The following PTPRT variants were observed in gnomAD, a reference collection of about 807,000 sequenced individuals.
PTPRT encodes receptor-type tyrosine-protein phosphatase T.
PTPRT carries 56 observed loss-of-function variants against 176.8 expected under a neutral mutation model. That is an observed-to-expected ratio of 0.32 (90% CI 0.26 to 0.40). PTPRT has a LOEUF of 0.40. Ranked by LOEUF, PTPRT falls within the 10% of genes least tolerant of loss-of-function variation. The pLI is 1.00. For synonymous variants in PTPRT, 783 were observed against 739.0 expected, an observed-to-expected ratio of 1.06 and a Z score of -0.96; for missense variants, 1,540 against 1,908.2, an observed-to-expected ratio of 0.81 and a Z score of 3.60.
At chr20:42,344,152 A>G (rs2145486953) in intron 11 of PTPRT, among the ~76,000 whole-genome samples, 1 of 152,288 alleles carries the variant, frequency 6.6e-6, no homozygotes, top group African/African-American at 2.4e-5. Flanking sequence ...TGCCTGCCTT[A>G]GCCTCCCAAA....
rs576189057 is a variant in PTPRT, at chr20:42,590,803, A to G, written c.1153+87063T>C. ...GCCTGCTCACTTAAAAACATATTAT[A>G]AAACCTCAATAATCAATACATTAAT... On this transcript the variant is annotated intron_variant, in intron 7 of 30. Transcript: ENST00000373187. 3.3e-5 allele frequency among the ~76,000 whole-genome samples: 5 copies of G among 152,318 alleles called. No individual in the cohort carries two copies. In the South Asian group the frequency reaches 8.3e-4, roughly 25 times the overall value.
chr20:42,081,849 T>C, intron 30 of PTPRT, 33 bp downstream of exon 30: 1 of 1,612,512 alleles, frequency 6.2e-7, no homozygotes. Flanking sequence ...TAGTCAGCCC[T>C]GGCTGTTGGA....
chr20:42,515,858 T>C (rs2072055733), intron 7 of PTPRT, among the ~76,000 whole-genome samples: 1 of 150,178 alleles, frequency 6.7e-6, no homozygotes, highest in Non-Finnish European at 1.5e-5. Context: ...CCAACCCAAA[T>C]GTCCAACAAT....
chr20:42,498,001 T>C (rs1363130486), intron 7 of PTPRT, among the ~76,000 whole-genome samples: 1 of 152,176 alleles, frequency 6.6e-6, no homozygotes, highest in African/African-American at 2.4e-5. Flanking sequence ...TTTTGTAATG[T>C]CATGACTTTT....
At chr20:42,391,553 G>A (rs16986828) in intron 9 of PTPRT, among the ~76,000 whole-genome samples, 10,411 of 152,158 alleles carry the variant, frequency 0.068, 447 homozygotes, top group African/African-American at 0.12. Context: ...AACCTGGAGG[G>A]ACCAAAGACC....
At chr20:42,950,316 T>C (rs1417396287) in intron 1 of PTPRT, among the ~76,000 whole-genome samples, 3 of 152,356 alleles carry the variant, frequency 2.0e-5, no homozygotes, top group African/African-American at 7.2e-5. Flanking sequence ...GTACATTCTG[T>C]CAGCGTACAG....
intron 1 of PTPRT, among the ~76,000 whole-genome samples, chr20:43,160,106 G>A (rs1047408211): frequency 9.9e-5 from 15 of 152,086 alleles, no homozygotes; most frequent in African/African-American, 3.6e-4. Context: ...CAGAACAGAC[G>A]TGGGCCCAGG....
chr20:42,363,288 ATATATATATATATTTTTTT>A (rs1202070310), intron 9 of PTPRT, among the ~76,000 whole-genome samples: 2 of 22,594 alleles, frequency 8.9e-5, no homozygotes, highest in African/African-American at 4.3e-4. Flanking sequence ...ATATATATAT[ATATATATATATATTTTTTT>A]TTTTTTTTTT....
In PTPRT at chr20:42,422,970, C is replaced by T. The variant is rs201456889; in HGVS notation, c.1560+25250G>A. Among the ~76,000 whole-genome samples, 4 of 152,128 alleles carry T rather than the reference C, an allele frequency of 2.6e-5. No homozygotes were observed. The East Asian group carries it at 5.8e-4, about 22-fold the overall frequency. ...CAGAAAACCAAATACCACATGTTCT[C>T]ACTTATAAGTGGGAGCTAAACGATG... On this transcript the variant is annotated intron_variant, in intron 9 of 30. Coordinates refer to ENST00000373187, the MANE Select transcript of PTPRT (RefSeq NM_007050.6).
intron 6 of PTPRT, among the ~76,000 whole-genome samples, chr20:42,745,856 A>G (rs1347928035): frequency 2.6e-5 from 4 of 152,210 alleles, no homozygotes; most frequent in Admixed American, 6.5e-5. Context: ...ATCAGACTTC[A>G]GCATCCTCAG....
At chr20:42,997,595 T>G (rs954658601) in intron 1 of PTPRT, among the ~76,000 whole-genome samples, 4 of 152,136 alleles carry the variant, frequency 2.6e-5, no homozygotes, top group Non-Finnish European at 4.4e-5. Context: ...TGAATATGCA[T>G]GAGCAAAATA....
intron 9 of PTPRT, among the ~76,000 whole-genome samples, chr20:42,381,435 G>A (rs987972958): frequency 1.3e-5 from 2 of 152,172 alleles, no homozygotes; most frequent in African/African-American, 2.4e-5. Context: ...GTCAGCCCGG[G>A]TCCCTGTGTG....
intron 3 of PTPRT, among the ~76,000 whole-genome samples, chr20:42,785,020 T>A (rs1049028034): frequency 1.3e-5 from 2 of 152,226 alleles, no homozygotes; most frequent in Non-Finnish European, 1.5e-5. Flanking sequence ...GTTCTCACTA[T>A]ACAAAAAAAG....
chr20:42,697,239 G>A (rs1231763401), intron 6 of PTPRT, among the ~76,000 whole-genome samples: 1 of 152,200 alleles, frequency 6.6e-6, no homozygotes, highest in Non-Finnish European at 1.5e-5. Flanking sequence ...GCCTGGAGAA[G>A]ATGTGGCTGA....
At chr20:43,011,787 T>TG (rs1985139323) in intron 1 of PTPRT, among the ~76,000 whole-genome samples, 1 of 152,202 alleles carries the variant, frequency 6.6e-6, no homozygotes, top group Non-Finnish European at 1.5e-5. Flanking sequence ...GTCAGTGGAC[T>TG]GGGAGAGGCA....
chr20:42,525,504 T>C (rs554207949), intron 7 of PTPRT, among the ~76,000 whole-genome samples: 9 of 152,288 alleles, frequency 5.9e-5, no homozygotes, highest in African/African-American at 2.2e-4. Context: ...CTCTTTTCAC[T>C]TTTGTCCCCT....
rs189118400 is a variant in PTPRT, at chr20:42,106,831, G to A, written c.3345C>T (p.Cys1115=). Reference sequence around the variant, plus strand: ...CCCTTTGGGCCCGGAGCTCACGCACGCAGTTGAAGATGTCCACCACCCCTT... The same window carrying A: ...CCCTTTGGGCCCGGAGCTCACGCACACAGTTGAAGATGTCCACCACCCCTT... ...ENEGVVDIFN[C]VRELRAQRVN... The change falls in exon 24 of 31, where the codon TGC becomes TGT. Residue 1115 remains cysteine (C), a synonymous_variant. Coordinates refer to ENST00000373187, the MANE Select transcript of PTPRT (RefSeq NM_007050.6). The A allele has an allele frequency of 1.4e-4, 231 of 1,614,122 alleles. 2 individuals carry two copies. The East Asian group carries it at 3.7e-3, about 26-fold the overall frequency.
Position 42,621,606 on chromosome 20 carries a change from C to T in PTPRT, c.1153+56260G>A, listed in dbSNP as rs113192326. On this transcript the variant is annotated intron_variant, in intron 7 of 30. Transcript: ENST00000373187. Reference sequence around the variant, plus strand: ...GGAATTCCTTGGCTTCTGAGTGATCCTATAGCCTCTCAGTTTTCCTTCTGG... The same window carrying T: ...GGAATTCCTTGGCTTCTGAGTGATCTTATAGCCTCTCAGTTTTCCTTCTGG... Among the ~76,000 whole-genome samples, 656 of 152,282 alleles carry T rather than the reference C, an allele frequency of 4.3e-3. 6 individuals carry two copies. The highest frequency in any genetic ancestry group is 0.015 in the African/African-American group (616 of 41,554).
At chr20:42,776,024 TCCCTGGGG>T (rs1445292284) in intron 4 of PTPRT, among the ~76,000 whole-genome samples, 2 of 152,138 alleles carry the variant, frequency 1.3e-5, no homozygotes, top group Non-Finnish European at 2.9e-5. Context: ...CTGTAAGCAG[TCCCTGGGG>T]CCCACAGGGC....
Sources: gnomAD v4.1 joint callset for allele counts (sites outside exome capture counted in the v4.1 genomes callset) on GRCh38, gnomAD v4.1.1 for gene constraint, MANE v1.5 for transcripts, NCBI Gene and HGNC (gene_info 2026-07-23, HGNC 2026-07-21) for gene names.